Variants in ESRRG observed in about 807,000 individuals in gnomAD.
The protein encoded by ESRRG is estrogen-related receptor gamma.
In ESRRG, 13 loss-of-function variants were observed where a neutral mutation model predicts 44.0. That is an observed-to-expected ratio of 0.30 (90% CI 0.19 to 0.47). The LOEUF is 0.47. Among genes scored for constraint, ESRRG ranks in the 20% least tolerant of loss-of-function variants. The pLI is 1.00. For missense variants in ESRRG, 395 were observed against 580.6 expected (o/e 0.68, Z 3.29); for synonymous variants, 215 against 214.6 (o/e 1.00, Z -0.02).
intron 2 of ESRRG, among the ~76,000 whole-genome samples, chr1:216,801,080 C>T (rs890969771): frequency 6.6e-6 from 1 of 152,098 alleles, no homozygotes; most frequent in Non-Finnish European, 1.5e-5. Flanking sequence ...ACATATCCCT[C>T]ATCTCACAGT....
chr1:216,710,967 G>A (rs1411437029), intron 1 of ESRRG, among the ~76,000 whole-genome samples: 4 of 152,162 alleles, frequency 2.6e-5, no homozygotes, highest in Non-Finnish European at 5.9e-5. Flanking sequence ...AGTAAACGAT[G>A]CCCACCCTTC....
chr1:216,589,729 C>A (rs1388974736), intron 3 of ESRRG, among the ~76,000 whole-genome samples: 1 of 151,660 alleles, frequency 6.6e-6, no homozygotes, highest in Non-Finnish European at 1.5e-5. Flanking sequence ...CATGGTGAAA[C>A]CCCATCTTCA....
intron 2 of ESRRG, among the ~76,000 whole-genome samples, chr1:216,745,081 A>G (rs958279936): frequency 6.6e-6 from 1 of 152,152 alleles, no homozygotes; most frequent in East Asian, 1.9e-4. Flanking sequence ...AGGTGTGCCT[A>G]TTAAAGACAA....
intron 2 of ESRRG, among the ~76,000 whole-genome samples, chr1:216,773,093 C>T (rs1337343915): frequency 6.6e-6 from 1 of 151,954 alleles, no homozygotes; most frequent in Admixed American, 6.6e-5. Context: ...GTCAAACAAA[C>T]AAATCAAGGC....
intron 5 of ESRRG, among the ~76,000 whole-genome samples, chr1:216,531,970 C>T (rs936913366): frequency 6.6e-6 from 1 of 151,990 alleles, no homozygotes; most frequent in African/African-American, 2.4e-5. Flanking sequence ...GTTTTTATAT[C>T]AGGTTGATTC....
At chr1:216,958,721 A>C (rs2068445593) in intron 1 of ESRRG, among the ~76,000 whole-genome samples, 1 of 152,176 alleles carries the variant, frequency 6.6e-6, no homozygotes, top group South Asian at 2.1e-4. Context: ...CCACTAAAGC[A>C]CAACACGATC....
At chr1:216,959,139 C>T (rs1017189579) in intron 1 of ESRRG, among the ~76,000 whole-genome samples, 2 of 151,664 alleles carry the variant, frequency 1.3e-5, no homozygotes, top group Non-Finnish European at 1.5e-5. Context: ...CTCATTCTAC[C>T]AAAATATAAG....
At chr1:216,897,476 A>C (rs562207767) in intron 2 of ESRRG, among the ~76,000 whole-genome samples, 1 of 152,322 alleles carries the variant, frequency 6.6e-6, no homozygotes, top group East Asian at 1.9e-4. Flanking sequence ...CTACAATGTT[A>C]AAAGCACACA....
chr1:216,573,793 C>T (rs970852073), intron 3 of ESRRG, among the ~76,000 whole-genome samples: 1 of 151,770 alleles, frequency 6.6e-6, no homozygotes, highest in African/African-American at 2.4e-5. Flanking sequence ...CTGAGTTTAG[C>T]TGTAAGTACA....
intron 1 of ESRRG, among the ~76,000 whole-genome samples, chr1:216,982,229 T>G (rs939327483): frequency 6.6e-6 from 1 of 152,210 alleles, no homozygotes; most frequent in African/African-American, 2.4e-5. Context: ...GTAAGTTCTC[T>G]GATTCAGATA....
intron 2 of ESRRG, among the ~76,000 whole-genome samples, chr1:216,840,423 T>G (rs1163259474): frequency 3.3e-5 from 5 of 152,184 alleles, no homozygotes; most frequent in Non-Finnish European, 5.9e-5. Flanking sequence ...TGGTTTGATC[T>G]TCTACCACTA....
chr1:216,726,231 C>G (rs935995775), upstream of ESRRG, among the ~76,000 whole-genome samples: 1 of 152,122 alleles, frequency 6.6e-6, no homozygotes, highest in Non-Finnish European at 1.5e-5. Context: ...GGTTTGTAGA[C>G]TTGGATATTT....
chr1:216,868,275 A>G (rs540189973), intron 2 of ESRRG, among the ~76,000 whole-genome samples: 34 of 151,898 alleles, frequency 2.2e-4, no homozygotes, highest in African/African-American at 8.0e-4. Context: ...TTTAGTAGAG[A>G]TGGGGTTTCA....
chr1:216,870,370 C>A (rs983553661), intron 2 of ESRRG, among the ~76,000 whole-genome samples: 11 of 150,638 alleles, frequency 7.3e-5, no homozygotes, highest in African/African-American at 2.7e-4. Context: ...CATTTTACAT[C>A]TTCATTTGAT....
intron 1 of ESRRG, among the ~76,000 whole-genome samples, chr1:216,700,401 G>A (rs2081167743): frequency 6.6e-6 from 1 of 152,068 alleles, no homozygotes. Context: ...ATCACCACAG[G>A]ATGATAAAAT....
intron 2 of ESRRG, among the ~76,000 whole-genome samples, chr1:216,666,613 G>T (rs1454001423): frequency 6.6e-6 from 1 of 152,108 alleles, no homozygotes; most frequent in African/African-American, 2.4e-5. Context: ...TCAAAGAACT[G>T]CCTCCAGTAC....
intron 2 of ESRRG, among the ~76,000 whole-genome samples, chr1:216,827,662 G>A (rs1344999674): frequency 1.3e-5 from 2 of 152,020 alleles, no homozygotes; most frequent in Non-Finnish European, 1.5e-5. Flanking sequence ...TCTATCTCAC[G>A]AATTGGTCAA....
At chr1:216,814,651 CAGG>C (rs2095078126) in intron 2 of ESRRG, among the ~76,000 whole-genome samples, 1 of 152,138 alleles carries the variant, frequency 6.6e-6, no homozygotes, top group Non-Finnish European at 1.5e-5. Flanking sequence ...TTGCTCATCC[CAGG>C]AGTTTCTGTA....
chr1:216,779,398 A>G (rs2093792516), intron 2 of ESRRG, among the ~76,000 whole-genome samples: 1 of 88,264 alleles, frequency 1.1e-5, no homozygotes, highest in Non-Finnish European at 2.0e-5. Context: ...TTAAATAACT[A>G]TAAATATTAT....
Sources: allele counts gnomAD v4.1 joint callset (sites outside exome capture counted in the v4.1 genomes callset), GRCh38; gene constraint gnomAD v4.1.1; transcripts MANE v1.5; gene names NCBI Gene and HGNC (gene_info 2026-07-23, HGNC 2026-07-21).